The following ZNF385D variants were observed in gnomAD, a reference collection of about 807,000 sequenced individuals.
The protein encoded by ZNF385D is zinc finger protein 385D, also known as zinc finger protein 659.
Under a neutral mutation model 35.8 loss-of-function variants are expected in ZNF385D, and 15 were observed. That is an observed-to-expected ratio of 0.42 (90% CI 0.28 to 0.64). The LOEUF is 0.64. ZNF385D is among the 30% of genes least tolerant of loss of function. The pLI is 0.23. For synonymous variants in ZNF385D, 212 were observed against 186.8 expected (o/e 1.13, Z -1.10); for missense variants, 474 against 494.6 (o/e 0.96, Z 0.39).
At chr3:21,803,263 A>C (rs759706080) in intron 3 of ZNF385D, among the ~76,000 whole-genome samples, 7 of 152,130 alleles carry the variant, frequency 4.6e-5, no homozygotes, top group Non-Finnish European at 8.8e-5. Context: ...AAGGAAGGAA[A>C]ACTGGTGTGC....
intron 2 of ZNF385D, among the ~76,000 whole-genome samples, chr3:22,193,498 A>C (rs911352461): frequency 1.3e-5 from 2 of 152,198 alleles, no homozygotes; most frequent in South Asian, 4.1e-4. Context: ...TTAACTTGGA[A>C]AAATATGGGT....
intron 3 of ZNF385D, among the ~76,000 whole-genome samples, chr3:22,132,563 A>G (rs1248429376): frequency 6.6e-6 from 1 of 152,128 alleles, no homozygotes; most frequent in East Asian, 1.9e-4. Flanking sequence ...GCCCAAATTT[A>G]TTTCAACATA....
chr3:21,987,467 T>G (rs900121700), intron 3 of ZNF385D, among the ~76,000 whole-genome samples: 12 of 122,504 alleles, frequency 9.8e-5, no homozygotes, highest in African/African-American at 4.9e-4. Context: ...GGTTGAAAAT[T>G]CTTTTCTTTA....
intron 4 of ZNF385D, among the ~76,000 whole-genome samples, chr3:21,452,502 CATG>C (rs1702520201): frequency 6.6e-6 from 1 of 151,962 alleles, no homozygotes; most frequent in Admixed American, 6.6e-5. Context: ...TCATAGATGA[CATG>C]ATCTTGTACA....
chr3:22,263,757 T>G (rs192086854), intron 2 of ZNF385D, among the ~76,000 whole-genome samples: 15 of 152,028 alleles, frequency 9.9e-5, no homozygotes, highest in Non-Finnish European at 1.9e-4. Flanking sequence ...CACAAGACAT[T>G]TGGTAATGTT....
At chr3:21,971,193 GGT>G (rs1447104004) in intron 3 of ZNF385D, among the ~76,000 whole-genome samples, 1 of 151,908 alleles carries the variant, frequency 6.6e-6, no homozygotes, top group Non-Finnish European at 1.5e-5. Flanking sequence ...CTGTAATTAT[GGT>G]GTATAAACTA....
At chr3:21,999,283 T>G (rs1224470687) in intron 3 of ZNF385D, among the ~76,000 whole-genome samples, 1 of 152,214 alleles carries the variant, frequency 6.6e-6, no homozygotes, top group Non-Finnish European at 1.5e-5. Context: ...TTTGATGTCT[T>G]AACTGTTGCA....
chr3:21,437,600 TA>T (rs972906698), intron 4 of ZNF385D, among the ~76,000 whole-genome samples: 1 of 151,528 alleles, frequency 6.6e-6, no homozygotes, highest in African/African-American at 2.4e-5. Flanking sequence ...GCTTTTAAGA[TA>T]CTTTGATTTT....
At chr3:21,462,500 G>A (rs1382278595) in intron 4 of ZNF385D, among the ~76,000 whole-genome samples, 1 of 152,138 alleles carries the variant, frequency 6.6e-6, no homozygotes, top group Non-Finnish European at 1.5e-5. Context: ...ACCATTTTAA[G>A]GGTAAAAGTT....
chr3:21,471,330 CACACA>C, intron 4 of ZNF385D, among the ~76,000 whole-genome samples: 1 of 126,266 alleles, frequency 7.9e-6, no homozygotes, highest in Non-Finnish European at 1.7e-5. Flanking sequence ...CACACACACA[CACACA>C]CCTTGGTGAT....
At chr3:22,210,287 G>C (rs1697435654) in intron 2 of ZNF385D, among the ~76,000 whole-genome samples, 1 of 151,534 alleles carries the variant, frequency 6.6e-6, no homozygotes, top group African/African-American at 2.4e-5. Flanking sequence ...GTCTCAACAG[G>C]GATTTTTTCT....
At chr3:22,066,531 CCTGTGTGTGTGTGT>C (rs1309732046) in intron 3 of ZNF385D, among the ~76,000 whole-genome samples, 1 of 38,198 alleles carries the variant, frequency 2.6e-5, no homozygotes, top group African/African-American at 1.2e-4. Flanking sequence ...GAGATGGTTC[CCTGTGTGTGTGTGT>C]GTGTGTGTGT....
At chr3:22,184,895 C>G (rs1331007252) in intron 2 of ZNF385D, among the ~76,000 whole-genome samples, 2 of 152,062 alleles carry the variant, frequency 1.3e-5, no homozygotes, top group African/African-American at 4.8e-5. Context: ...CCATAGATAC[C>G]TGTTTTTAAA....
At chr3:22,298,552 T>C (rs1274528172) in intron 2 of ZNF385D, among the ~76,000 whole-genome samples, 10 of 141,300 alleles carry the variant, frequency 7.1e-5, no homozygotes, top group Non-Finnish European at 1.1e-4. Context: ...TTTATGTATA[T>C]ACACACATAC....
intron 2 of ZNF385D, among the ~76,000 whole-genome samples, chr3:22,202,761 T>G (rs1047124594): frequency 6.6e-6 from 1 of 152,030 alleles, no homozygotes; most frequent in Non-Finnish European, 1.5e-5. Flanking sequence ...AGACAGCACA[T>G]TGAATGTGGG....
chr3:21,573,006 AATTAG>A (rs766669978), intron 2 of ZNF385D, among the ~76,000 whole-genome samples: 7 of 152,148 alleles, frequency 4.6e-5, no homozygotes, highest in Non-Finnish European at 1.0e-4. Context: ...ACATGAACTT[AATTAG>A]ATTAGGGTTT....
chr3:21,771,843 C>G (rs1466383045), intron 3 of ZNF385D, among the ~76,000 whole-genome samples: 1 of 151,864 alleles, frequency 6.6e-6, no homozygotes, highest in Non-Finnish European at 1.5e-5. Flanking sequence ...TACTGCAAAG[C>G]TACAGTATTC....
chr3:22,108,280 T>C (rs1377321206), intron 3 of ZNF385D, among the ~76,000 whole-genome samples: 1 of 152,184 alleles, frequency 6.6e-6, no homozygotes, highest in African/African-American at 2.4e-5. Context: ...ATCCACAATT[T>C]TGGTCAGAAC....
chr3:21,657,319 G>A (rs572751052), intron 2 of ZNF385D, among the ~76,000 whole-genome samples: 33 of 152,032 alleles, frequency 2.2e-4, no homozygotes, highest in African/African-American at 6.7e-4. Flanking sequence ...ATATTCATGC[G>A]TTGTGCATTT....
Sources: gnomAD v4.1 joint callset for allele counts (sites outside exome capture counted in the v4.1 genomes callset) on GRCh38, gnomAD v4.1.1 for gene constraint, MANE v1.5 for transcripts, NCBI Gene and HGNC (gene_info 2026-07-23, HGNC 2026-07-21) for gene names.